Variants in COIL observed in about 807,000 individuals in gnomAD.
COIL encodes coilin, also known as coilin p80.
COIL carries 28 observed loss-of-function variants against 51.6 expected under a neutral mutation model. The observed-to-expected ratio is 0.54, with a 90% CI of 0.40 to 0.74. The LOEUF (loss-of-function observed/expected upper bound fraction) is 0.74, where lower values mean the gene tolerates loss of function less well. Among genes scored for constraint, COIL ranks in the 30% least tolerant of loss-of-function variants. The pLI is 0.00. For missense variants in COIL, 667 were observed against 685.9 expected (o/e 0.97, Z 0.31); for synonymous variants, 233 against 255.8 (o/e 0.91, Z 0.85).
intron 3 of COIL, 99 bp from the exon 4 acceptor site, chr17:56,949,533 C>CCCG: frequency 1.4e-6 from 2 of 1,424,158 alleles, no homozygotes; most frequent in Non-Finnish European, 2.0e-6. Flanking sequence ...CCACCCCGAC[C>CCCG]AGTCTGGGAG....
At chr17:56,959,720 G>A (rs1260290191) in intron 1 of COIL, among the ~76,000 whole-genome samples, 1 of 152,220 alleles carries the variant, frequency 6.6e-6, no homozygotes, top group African/African-American at 2.4e-5. Context: ...TCCTGCACCT[G>A]ACCCTGAAGG....
At chr17:56,944,890 G>A (rs1014629134) in intron 5 of COIL, among the ~76,000 whole-genome samples, 6 of 152,024 alleles carry the variant, frequency 3.9e-5, no homozygotes, top group Non-Finnish European at 7.4e-5. Context: ...GGCGGCCAGC[G>A]CCTGTAGTTC....
intron 1 of COIL, among the ~76,000 whole-genome samples, chr17:56,960,266 G>C (rs1910562878): frequency 6.6e-6 from 1 of 151,238 alleles, no homozygotes; most frequent in African/African-American, 2.4e-5. Flanking sequence ...GTGCACGCCT[G>C]CAATCCCAGC....
intron 6 of COIL, 34 bp downstream of exon 6, chr17:56,942,001 T>C: frequency 1.3e-6 from 2 of 1,545,270 alleles, no homozygotes; most frequent in Non-Finnish European, 1.8e-6. Context: ...AGAGAACGAA[T>C]GGCCAAGCAA....
chr17:56,960,936 A>C lies in COIL; in HGVS notation c.84T>G (p.Leu28=). 6.2e-7 allele frequency: 1 copy of C among 1,614,182 alleles called. No homozygotes were observed. The highest frequency in any genetic ancestry group is 1.1e-5 in the South Asian group (1 of 91,080). The change falls in exon 1 of 7, where the codon CTT becomes CTG. Residue 28 remains leucine, a synonymous_variant. Coordinates refer to ENST00000240316, the MANE Select transcript of COIL (RefSeq NM_004645.3). ...CTCGGCATCTGTTCAAGTCGACCAGAAGCCAGAAGGCCGTACAGTGCGGGG... is the reference window on the plus strand; with the variant it reads ...CTCGGCATCTGTTCAAGTCGACCAGCAGCCAGAAGGCCGTACAGTGCGGGG... ...PATPHCTAFW[L]LVDLNRCRVV...
In COIL at chr17:56,960,927, G is replaced by A; in HGVS notation, c.93C>T (p.Asp31=). 2 of 1,614,252 alleles carry A rather than the reference G, an allele frequency of 1.2e-6. No individual in the cohort carries two copies. Among genetic ancestry groups the A allele is most frequent in the Non-Finnish European group, 1.7e-6 (2 of 1,180,034 alleles). ...PHCTAFWLLV[D]LNRCRVVTDL... is the part of the protein sequence containing the mutation. ...CTGTGACGACTCGGCATCTGTTCAAGTCGACCAGAAGCCAGAAGGCCGTAC... is the reference window on the plus strand; with the variant it reads ...CTGTGACGACTCGGCATCTGTTCAAATCGACCAGAAGCCAGAAGGCCGTAC... Residue 31 remains aspartate, a synonymous_variant, in exon 1 of 7, where the codon GAC becomes GAT. Transcript: ENST00000240316.
intron 1 of COIL, among the ~76,000 whole-genome samples, chr17:56,953,103 C>T (rs913512113): frequency 2.6e-5 from 4 of 151,844 alleles, no homozygotes; most frequent in African/African-American, 9.7e-5. Context: ...CATAGGGAGA[C>T]CCTGTCTCTA....
chr17:56,953,205 A>T (rs1428433825), intron 1 of COIL, among the ~76,000 whole-genome samples: 4 of 151,770 alleles, frequency 2.6e-5, no homozygotes, highest in African/African-American at 7.3e-5. Context: ...AGGTCAGGAG[A>T]TCGAGACCAT....
Position 56,949,536 on chromosome 17 carries a change from T to A in COIL, c.1441-102A>T, listed in dbSNP as rs1430283312. ...ATGTTGGCGTGTCCACCCCGACCAG[T>A]CTGGGAGCCCTACCAGGAACCCGTA... On this transcript the variant is annotated intron_variant, in intron 3 of 6. Coordinates refer to ENST00000240316, the MANE Select transcript of COIL (RefSeq NM_004645.3). The A allele has an allele frequency of 9.1e-6, 13 of 1,426,792 alleles. No homozygotes were observed. In the Admixed American group the frequency reaches 2.1e-4, roughly 23 times the overall value. The allele number at this position is 1,426,792 out of a possible 1,614,324, so 88.4% of individuals were successfully genotyped here.
At chr17:56,960,541 AAT>A in intron 1 of COIL, 1 of 228,324 alleles carries the variant, frequency 4.4e-6, no homozygotes, top group Non-Finnish European at 8.3e-6. Flanking sequence ...AAAAAATAAT[AAT>A]AAAAAATAAT....
At chr17:56,954,462 G>A (rs1408009793) in intron 1 of COIL, among the ~76,000 whole-genome samples, 2 of 152,060 alleles carry the variant, frequency 1.3e-5, no homozygotes, top group Admixed American at 6.6e-5. Context: ...TCGGGAAGCT[G>A]AGGCAGAAGA....
At chr17:56,947,245 T>G (rs1910268325) in intron 4 of COIL, among the ~76,000 whole-genome samples, 1 of 152,162 alleles carries the variant, frequency 6.6e-6, no homozygotes, top group Admixed American at 6.5e-5. Flanking sequence ...CTTGGGAGAC[T>G]ACATTTTTTA....
chr17:56,940,730 G>T (rs1910129726), intron 6 of COIL, among the ~76,000 whole-genome samples: 1 of 152,164 alleles, frequency 6.6e-6, no homozygotes, highest in African/African-American at 2.4e-5. Flanking sequence ...AACATTTCAA[G>T]TATAAACACC....
In COIL at chr17:56,950,256, A is replaced by T. The variant is rs1377434379; in HGVS notation, c.986T>A (p.Met329Lys). ...AGCACACTCCGGGGTGCTCGATGAC[A>T]TCAAGCATTGGTCGTCTGACTCTGC... ...SSAESDDQCL[M>K]SSSTPECAAG... The change falls in exon 2 of 7, where the codon ATG becomes AAG. Residue 329 changes from methionine to lysine, a missense_variant. By Grantham distance (95) the Met-to-Lys change is moderately conservative (BLOSUM62 -1). Coordinates refer to ENST00000240316, the MANE Select transcript of COIL (RefSeq NM_004645.3). The T allele has an allele frequency of 3.1e-6, 5 of 1,614,090 alleles. No individual in the cohort carries two copies. Among genetic ancestry groups the T allele is most frequent in the Non-Finnish European group, 4.2e-6 (5 of 1,180,046 alleles).
At chr17:56,957,944 T>G (rs944953516) in intron 1 of COIL, among the ~76,000 whole-genome samples, 3 of 152,350 alleles carry the variant, frequency 2.0e-5, no homozygotes, top group African/African-American at 7.2e-5. Context: ...GGAACACAAG[T>G]GTGTGGTGCA....
chr17:56,954,917 G>A (rs902587975), intron 1 of COIL, among the ~76,000 whole-genome samples: 2 of 152,076 alleles, frequency 1.3e-5, no homozygotes, highest in Non-Finnish European at 2.9e-5. Context: ...CACCTTCCCT[G>A]GCAATATTCT....
rs376937734 is a variant in COIL at position 56,960,895 on chromosome 17, A to G, written c.125T>C (p.Ile42Thr). The change falls in exon 1 of 7, where the codon ATT becomes ACT. Residue 42 changes from isoleucine (I) to threonine (T), a missense_variant. Coordinates refer to ENST00000240316, the MANE Select transcript of COIL (RefSeq NM_004645.3). ...LNRCRVVTDL[I>T]SLIRQRFGFS... The stretch of plus-strand genomic sequence containing the variant: ...GCCGAAGCGCTGGCGGATGAGACTA[A>G]TGAGATCTGTGACGACTCGGCATCT... 3 of 1,614,182 alleles carry G rather than the reference A, an allele frequency of 1.9e-6. No homozygotes were observed. The highest frequency in any genetic ancestry group is 2.5e-6 in the Non-Finnish European group (3 of 1,180,000).
At chr17:56,947,242 GACT>G (rs1455493120) in intron 4 of COIL, among the ~76,000 whole-genome samples, 1 of 152,140 alleles carries the variant, frequency 6.6e-6, no homozygotes, top group Non-Finnish European at 1.5e-5. Context: ...GGGCTTGGGA[GACT>G]ACATTTTTTA....
At chr17:56,958,975 C>T (rs56358855) in intron 1 of COIL, among the ~76,000 whole-genome samples, 6,493 of 151,956 alleles carry the variant, frequency 0.043, 448 homozygotes, top group African/African-American at 0.15. Context: ...GAATATTCAA[C>T]GACAAAGGGC....
Sources: gnomAD v4.1 joint callset for allele counts (sites outside exome capture counted in the v4.1 genomes callset) on GRCh38, gnomAD v4.1.1 for gene constraint, MANE v1.5 for transcripts, NCBI Gene and HGNC (gene_info 2026-07-23, HGNC 2026-07-21) for gene names.